ZNF787: variants seen among roughly 807,000 people sequenced by gnomAD.
ZNF787 encodes the protein zinc finger protein 787.
A neutral mutation model predicts 16.9 loss-of-function variants in ZNF787; 7 were observed. The ratio of observed to expected loss-of-function variants is 0.42; its 90% CI spans 0.24 to 0.78. ZNF787 has a LOEUF of 0.78. ZNF787 is among the 30% of genes least tolerant of loss of function. The probability of loss-of-function intolerance (pLI) is 0.30; values close to 1 mark genes in which losing one functional copy is unlikely to be tolerated. For missense variants in ZNF787, 551 were observed against 589.3 expected (o/e 0.94, Z 0.67); for synonymous variants, 345 against 270.9 (o/e 1.27, Z -2.69).
intron 1 of ZNF787, among the ~76,000 whole-genome samples, chr19:56,119,881 G>A (rs2030237287): frequency 6.6e-6 from 1 of 152,264 alleles, no homozygotes; most frequent in Non-Finnish European, 1.5e-5. Context: ...AGCTAAGCCA[G>A]GATCAACGCA....
intron 2 of ZNF787, among the ~76,000 whole-genome samples, chr19:56,099,050 TG>T (rs1985991435): frequency 6.6e-6 from 1 of 152,176 alleles, no homozygotes; most frequent in African/African-American, 2.4e-5. Flanking sequence ...GAGGCCACCC[TG>T]GATCTGTCCC....
Position 56,088,137 on chromosome 19 carries a change from C to G in ZNF787, c.1035G>C (p.Ser345=). ...AGCTCTGTCCGCAGCTGCTGCAGAC[C>G]GAGGGCGCGCCCACCGCGTGGATCT... is the stretch of plus-strand genomic sequence containing the variant. ...HKKIHAVGAP[S]VCSSCGQSYY... is the part of the protein sequence containing the mutation. Residue 345 remains serine, a synonymous_variant, in exon 3 of 3, where the codon TCG becomes TCC. Transcript: ENST00000610935. This position sits in a 1 kb window ranked among gnomAD's most constrained non-coding sequence, Gnocchi z 8.6. 3 of 1,552,612 alleles carry G rather than the reference C, an allele frequency of 1.9e-6. No individual in the cohort carries two copies. Among genetic ancestry groups the G allele is most frequent in the South Asian group, 1.2e-5 (1 of 86,158 alleles).
Position 56,088,869 on chromosome 19 carries a change from C to T in ZNF787, c.303G>A (p.Lys101=), listed in dbSNP as rs943281496. 6.2e-7 allele frequency: 1 copy of T among 1,608,276 alleles called. No individual in the cohort carries two copies. The highest frequency in any genetic ancestry group is 8.5e-7 in the Non-Finnish European group (1 of 1,177,262). ...ERPNACADCG[K]TFSQSSHLVQ... ...CCAGGTGCGAGCTCTGCGAGAAGGT[C>T]TTGCCGCAGTCGGCGCAGGCGTTGG... The change falls in exon 3 of 3, where the codon AAG becomes AAA. Residue 101 remains lysine (K), a synonymous_variant. Coordinates refer to ENST00000610935, the MANE Select transcript of ZNF787 (RefSeq NM_001002836.4). This position sits in a 1 kb window ranked among gnomAD's most constrained non-coding sequence, Gnocchi z 8.6.
chr19:56,101,072 C>T (rs1443195234), intron 2 of ZNF787, among the ~76,000 whole-genome samples: 2 of 147,698 alleles, frequency 1.4e-5, no homozygotes, highest in African/African-American at 2.5e-5. Flanking sequence ...TAAGTGGGAC[C>T]CCACATGCTA....
At chr19:56,099,956 A>G (rs998931222) in intron 2 of ZNF787, among the ~76,000 whole-genome samples, 3 of 152,102 alleles carry the variant, frequency 2.0e-5, no homozygotes, top group African/African-American at 7.2e-5. Flanking sequence ...CCTCCTCCCC[A>G]AGAGGCTCAG....
intron 2 of ZNF787, among the ~76,000 whole-genome samples, chr19:56,099,121 C>A (rs944625153): frequency 1.3e-5 from 2 of 152,184 alleles, no homozygotes; most frequent in African/African-American, 2.4e-5. Context: ...CACTGCTGTC[C>A]GGGTTCCCTG....
chr19:56,100,461 G>A (rs1328559606), intron 2 of ZNF787, among the ~76,000 whole-genome samples: 1 of 152,066 alleles, frequency 6.6e-6, no homozygotes, highest in Non-Finnish European at 1.5e-5. Context: ...TTCCGCAGAA[G>A]AGGCTGGGGC....
intron 1 of ZNF787, among the ~76,000 whole-genome samples, chr19:56,118,338 G>A (rs577382051): frequency 3.9e-5 from 6 of 152,280 alleles, no homozygotes; most frequent in Admixed American, 1.3e-4. Flanking sequence ...AGGAGTCCTC[G>A]TGGACAGTAC....
rs2030176287 is a variant in ZNF787 at position 56,117,636 on chromosome 19, C to T, written c.-11+3536G>A. Reference sequence around the variant, plus strand: ...ACTCTTGGACAACGGCATTTGTCCCCTTTAACGTCCACCATTGAGGATGGT... The same window carrying T: ...ACTCTTGGACAACGGCATTTGTCCCTTTTAACGTCCACCATTGAGGATGGT... On this transcript the variant is annotated intron_variant, in intron 1 of 2. Transcript: ENST00000610935. 2.6e-5 allele frequency among the ~76,000 whole-genome samples: 4 copies of T among 152,250 alleles called. No homozygotes were observed. In the South Asian group the frequency reaches 8.3e-4, roughly 32 times the overall value.
At chr19:56,091,145 G>T (rs1053620631) in intron 2 of ZNF787, among the ~76,000 whole-genome samples, 4 of 152,230 alleles carry the variant, frequency 2.6e-5, no homozygotes, top group African/African-American at 9.6e-5. Flanking sequence ...ACAAACATCA[G>T]AAGCTATTTG....
At chr19:56,120,486 G>A (rs1383683871) in intron 1 of ZNF787, among the ~76,000 whole-genome samples, 5 of 152,298 alleles carry the variant, frequency 3.3e-5, no homozygotes, top group African/African-American at 7.2e-5. Flanking sequence ...CCCCCGCTGG[G>A]GACGCGCTTC....
chr19:56,101,255 T>TA (rs2123407271), intron 2 of ZNF787, among the ~76,000 whole-genome samples: 1 of 152,336 alleles, frequency 6.6e-6, no homozygotes, highest in East Asian at 1.9e-4. Flanking sequence ...ACACGGGAGT[T>TA]ACGCGAACGC....
At chr19:56,105,817 T>C (rs1214729604) in intron 1 of ZNF787, among the ~76,000 whole-genome samples, 1 of 152,086 alleles carries the variant, frequency 6.6e-6, no homozygotes, top group Admixed American at 6.5e-5. Context: ...TTTGCGACCC[T>C]CACCACAATC....
At chr19:56,091,018 G>T (rs149613092) in intron 2 of ZNF787, among the ~76,000 whole-genome samples, 1 of 152,212 alleles carries the variant, frequency 6.6e-6, no homozygotes, top group Non-Finnish European at 1.5e-5. Flanking sequence ...TCCAGGTGAA[G>T]TCAGGAAGGG....
chr19:56,120,398 G>A (rs2030254355), intron 1 of ZNF787, among the ~76,000 whole-genome samples: 1 of 152,206 alleles, frequency 6.6e-6, no homozygotes, highest in Non-Finnish European at 1.5e-5. Flanking sequence ...GGAGGCCTCA[G>A]GAGTCGCCAC....
Position 56,088,719 on chromosome 19 carries a change from G to A in ZNF787, c.453C>T (p.Thr151=), listed in dbSNP as rs375616708. Residue 151 remains threonine, a synonymous_variant, in exon 3 of 3, where the codon ACC becomes ACT. Transcript: ENST00000610935. This position sits in a 1 kb window ranked among gnomAD's most constrained non-coding sequence, Gnocchi z 8.6. ...TGAAGCTGCGGCCGCAGTCGGGGCA[G>A]GTGTAGGGCTTCTCGCCCGTGTGGA... The part of the protein sequence containing the change: ...QRIHTGEKPY[T]CPDCGRSFTQ... 8.1e-6 allele frequency: 13 copies of A among 1,608,670 alleles called. No individual in the cohort carries two copies. In the African/African-American group the frequency reaches 1.5e-4, roughly 18 times the overall value.
intron 1 of ZNF787, among the ~76,000 whole-genome samples, chr19:56,116,868 C>T (rs2030152166): frequency 6.6e-6 from 1 of 152,208 alleles, no homozygotes; most frequent in African/African-American, 2.4e-5. Flanking sequence ...TCAGCTCTAT[C>T]CTCTCTTATC....
At position 56,087,555 on chromosome 19, in the gene ZNF787, AGTCAAAAGGT is replaced by A. The variant is rs1985302878; in HGVS notation, c.*458_*467del. ...AAATAATGGATTGGGGCGGGCGGGG[AGTCAAAAGGT>A]GGGCTGATTAAAAGAAAATTCTAAA... On this transcript the variant is annotated 3_prime_UTR_variant, in exon 3 of 3. Transcript: ENST00000610935. 1 of 152,360 alleles carries A rather than the reference AGTCAAAAGGT, an allele frequency of 6.6e-6. No individual in the cohort carries two copies. The highest frequency in any genetic ancestry group is 1.5e-5 in the Non-Finnish European group (1 of 68,288). 9.4% of individuals were successfully genotyped at this position (152,360 alleles called of 1,614,324 possible). A position where few individuals can be genotyped will look rare whatever the true frequency, so the allele number is the denominator to read the frequency against.
At position 56,087,995 on chromosome 19, in the gene ZNF787, T is replaced by TGGGGGGG; in HGVS notation, c.*27_*28insCCCCCCC. On this transcript the variant is annotated 3_prime_UTR_variant, in exon 3 of 3. Coordinates refer to ENST00000610935, the MANE Select transcript of ZNF787 (RefSeq NM_001002836.4). ...CGCTCCCGCCAAGCCCGAGGGGCCC[T>TGGGGGGG]GCCCGCCCCCCCCCCCGGGCCCCTC... 2.7e-6 allele frequency: 3 copies of TGGGGGGG among 1,106,468 alleles called. No homozygotes were observed. Among genetic ancestry groups the TGGGGGGG allele is most frequent in the East Asian group, 5.4e-5 (1 of 18,358 alleles). The allele number at this position is 1,106,468 out of a possible 1,614,324, so 68.5% of individuals were successfully genotyped here. A position where few individuals can be genotyped will look rare whatever the true frequency, so the allele number is the denominator to read the frequency against.
Sources: gnomAD v4.1 joint callset for allele counts (sites outside exome capture counted in the v4.1 genomes callset) on GRCh38, gnomAD v4.1.1 for gene constraint, Gnocchi (gnomAD v3.1) non-coding constraint, MANE v1.5 for transcripts, NCBI Gene and HGNC (gene_info 2026-07-23, HGNC 2026-07-21) for gene names.